OCA2: variants seen among roughly 807,000 people sequenced by gnomAD.
OCA2 encodes the protein OCA2 melanosomal transmembrane protein.
In OCA2, 77 loss-of-function variants were observed where a neutral mutation model predicts 100.2. That is an observed-to-expected ratio of 0.77 (90% CI 0.64 to 0.93). OCA2 has a LOEUF of 0.93. Among genes scored for constraint, OCA2 ranks in the 40% least tolerant of loss-of-function variants. The probability of loss-of-function intolerance (pLI) is 0.00; values close to 1 mark genes in which losing one functional copy is unlikely to be tolerated. For synonymous variants in OCA2, 432 were observed against 439.2 expected (o/e 0.98, Z 0.21); for missense variants, 1,062 against 1,089.1 (o/e 0.98, Z 0.35).
chr15:27,751,466 C>T (rs2030062354), downstream of OCA2, among the ~76,000 whole-genome samples: 2 of 152,148 alleles, frequency 1.3e-5, no homozygotes, highest in Non-Finnish European at 2.9e-5. Flanking sequence ...AAAAGTTGTA[C>T]CAATCATCAA....
chr15:27,764,832 A>G (rs184566661), intron 23 of OCA2, among the ~76,000 whole-genome samples: 119 of 152,358 alleles, frequency 7.8e-4, no homozygotes, highest in African/African-American at 2.8e-3. Flanking sequence ...AGGTGAATCC[A>G]TAGAGTAAAG....
chr15:27,892,878 T>C (rs953433562), intron 19 of OCA2, among the ~76,000 whole-genome samples: 1 of 152,114 alleles, frequency 6.6e-6, no homozygotes, highest in Non-Finnish European at 1.5e-5. Context: ...AAATAGGAAA[T>C]TTTACTACAT....
chr15:27,793,839 G>A (rs2033199998), intron 23 of OCA2, among the ~76,000 whole-genome samples: 1 of 152,308 alleles, frequency 6.6e-6, no homozygotes, highest in South Asian at 2.1e-4. Context: ...GGCTTGTGTT[G>A]CCAGGGGGCT....
At chr15:28,073,586 T>C (rs2044332190) in intron 2 of OCA2, among the ~76,000 whole-genome samples, 1 of 152,066 alleles carries the variant, frequency 6.6e-6, no homozygotes, top group South Asian at 2.1e-4. Flanking sequence ...ATAGACACTG[T>C]GGAATACTAG....
At chr15:27,847,946 C>T (rs993229698) in intron 22 of OCA2, among the ~76,000 whole-genome samples, 5 of 152,342 alleles carry the variant, frequency 3.3e-5, no homozygotes, top group East Asian at 1.9e-4. Flanking sequence ...TGCACCTGTG[C>T]GCTCTGCCAC....
At chr15:28,061,480 T>C (rs2141667588) in intron 2 of OCA2, among the ~76,000 whole-genome samples, 2 of 152,166 alleles carry the variant, frequency 1.3e-5, no homozygotes, top group South Asian at 4.2e-4. Flanking sequence ...CTTTTAAATG[T>C]CCAGTCTGAC....
chr15:28,065,802 C>A (rs563460613), intron 2 of OCA2, among the ~76,000 whole-genome samples: 1 of 152,204 alleles, frequency 6.6e-6, no homozygotes, highest in South Asian at 2.1e-4. Flanking sequence ...GTTCTCTCAG[C>A]AATATTTTGT....
intron 9 of OCA2, among the ~76,000 whole-genome samples, chr15:27,991,023 C>A (rs2041539843): frequency 6.6e-6 from 1 of 152,244 alleles, no homozygotes; most frequent in Non-Finnish European, 1.5e-5. Context: ...TACTAGGCTG[C>A]TGTTAAACCA....
Position 27,827,152 on chromosome 15 carries a change from C to T in OCA2, c.2432+17807G>A, listed in dbSNP as rs138468559. 6.4e-4 allele frequency among the ~76,000 whole-genome samples: 97 copies of T among 152,292 alleles called. 2 individuals are homozygous for T. Among genetic ancestry groups the T allele is most frequent in the African/African-American group, 2.3e-3 (94 of 41,556 alleles). The stretch of plus-strand genomic sequence containing the variant: ...CTATTAAACTCAGCTTCATTCTCCA[C>T]GGATATGAAACATATAACAAGACAG... On this transcript the variant is annotated intron_variant, in intron 23 of 23. Coordinates refer to ENST00000354638, the MANE Select transcript of OCA2 (RefSeq NM_000275.3).
At chr15:27,985,233 C>T (rs745584163) in intron 12 of OCA2, 45 bp from the exon 13 acceptor site, 5 of 1,610,780 alleles carry the variant, frequency 3.1e-6, no homozygotes, top group Non-Finnish European at 4.2e-6. Context: ...AGTGAGCAGG[C>T]TCGTAGAACA....
the OCA2 span, among the ~76,000 whole-genome samples, chr15:27,729,718 A>G: frequency 6.6e-6 from 1 of 152,196 alleles, no homozygotes; most frequent in Non-Finnish European, 1.5e-5. Flanking sequence ...TTAAGGACTC[A>G]TGGTTGTTAT....
chr15:27,919,120 T>G (rs1242903335), intron 19 of OCA2, among the ~76,000 whole-genome samples: 1 of 152,166 alleles, frequency 6.6e-6, no homozygotes, highest in Non-Finnish European at 1.5e-5. Flanking sequence ...ATACCCACAA[T>G]TATATGAGGA....
intron 21 of OCA2, among the ~76,000 whole-genome samples, chr15:27,855,144 C>T: frequency 6.6e-6 from 1 of 152,244 alleles, no homozygotes; most frequent in East Asian, 1.9e-4. Flanking sequence ...GCTCCCTAAA[C>T]TCCAGAGCCC....
chr15:28,029,594 T>G (rs1417461059), intron 3 of OCA2, among the ~76,000 whole-genome samples: 1 of 152,222 alleles, frequency 6.6e-6, no homozygotes, highest in Non-Finnish European at 1.5e-5. Flanking sequence ...AGTGAATTTT[T>G]AATTTTAATT....
intron 19 of OCA2, among the ~76,000 whole-genome samples, chr15:27,920,192 C>G (rs1292169650): frequency 1.3e-5 from 2 of 152,084 alleles, no homozygotes; most frequent in Non-Finnish European, 2.9e-5. Context: ...TGTGATTCAA[C>G]TGTATGCTGT....
chr15:27,962,268 T>A (rs2040433138), intron 15 of OCA2, among the ~76,000 whole-genome samples: 1 of 152,228 alleles, frequency 6.6e-6, no homozygotes, highest in Non-Finnish European at 1.5e-5. Flanking sequence ...GAGCTCTGAT[T>A]CTGCCATATA....
chr15:28,017,148 C>T (rs868469052), intron 7 of OCA2, among the ~76,000 whole-genome samples: 1 of 152,072 alleles, frequency 6.6e-6, no homozygotes, highest in South Asian at 2.1e-4. Flanking sequence ...TCTCTGAAAC[C>T]GGTCAAAGCA....
chr15:28,003,273 G>A (rs756589196), intron 9 of OCA2, among the ~76,000 whole-genome samples: 2 of 152,228 alleles, frequency 1.3e-5, no homozygotes, highest in South Asian at 4.1e-4. Flanking sequence ...CGCCAGCTTC[G>A]GAGAGTCACA....
chr15:27,802,270 C>T (rs2033647481), intron 23 of OCA2, among the ~76,000 whole-genome samples: 1 of 152,014 alleles, frequency 6.6e-6, no homozygotes, highest in Non-Finnish European at 1.5e-5. Flanking sequence ...ACACTGAAAA[C>T]AACACAATAT....
Sources: gnomAD v4.1 joint callset for allele counts (sites outside exome capture counted in the v4.1 genomes callset) on GRCh38, gnomAD v4.1.1 for gene constraint, MANE v1.5 for transcripts, NCBI Gene and HGNC (gene_info 2026-07-23, HGNC 2026-07-21) for gene names.